The following STPG2 variants were observed in gnomAD, a reference collection of about 807,000 sequenced individuals.
STPG2 encodes sperm tail PG-rich repeat containing 2.
A neutral mutation model predicts 54.2 loss-of-function variants in STPG2; 56 were observed. The observed-to-expected ratio is 1.03, with a 90% CI of 0.83 to 1.29. The LOEUF (loss-of-function observed/expected upper bound fraction) is 1.29. STPG2 is among the 50% of genes most tolerant of loss of function. STPG2 has a pLI of 0.00. For missense variants in STPG2, 596 were observed against 544.9 expected (o/e 1.09, Z -0.93); for synonymous variants, 200 against 181.8 (o/e 1.10, Z -0.81).
At chr4:98,088,201 AAAG>A (rs1432241028) in intron 5 of STPG2, among the ~76,000 whole-genome samples, 4 of 152,230 alleles carry the variant, frequency 2.6e-5, no homozygotes, top group African/African-American at 9.6e-5. Flanking sequence ...AAAAACTGTG[AAAG>A]AAGAAGTTGG....
chr4:97,580,650 C>T (rs1018542301), intron 10 of STPG2, among the ~76,000 whole-genome samples: 8 of 151,980 alleles, frequency 5.3e-5, no homozygotes, highest in African/African-American at 1.9e-4. Flanking sequence ...CTTCCAGCCT[C>T]CAAATAACGA....
chr4:97,914,061 C>T (rs1022702960), intron 8 of STPG2, among the ~76,000 whole-genome samples: 3 of 152,128 alleles, frequency 2.0e-5, no homozygotes, highest in Middle Eastern at 3.4e-3. Context: ...AAACATAGAC[C>T]TACACATGCA....
intron 10 of STPG2, among the ~76,000 whole-genome samples, chr4:97,701,417 A>C (rs548009087): frequency 5.3e-5 from 8 of 152,208 alleles, no homozygotes; most frequent in Admixed American, 1.3e-4. Context: ...GCTCAGAGCC[A>C]GTGTTCAGTA....
At chr4:98,038,998 T>C (rs1018572352) in intron 5 of STPG2, among the ~76,000 whole-genome samples, 11 of 152,012 alleles carry the variant, frequency 7.2e-5, no homozygotes, top group African/African-American at 2.7e-4. Context: ...TTGATGAGGA[T>C]TGCTGAGACA....
In STPG2 at chr4:97,886,765, A is replaced by G. The variant is rs371824811; in HGVS notation, c.1045-45833T>C. On this transcript the variant is annotated intron_variant, in intron 8 of 10. Transcript: ENST00000295268. ...GGATCTGTGTCACTGCCCAAATGTC[A>G]TGTCAAATTATAGTCCCCAGTATTG... 1.7e-4 allele frequency among the ~76,000 whole-genome samples: 26 copies of G among 152,270 alleles called. No homozygotes were observed. The South Asian group carries it at 5.0e-3, about 29-fold the overall frequency.
intron 9 of STPG2, among the ~76,000 whole-genome samples, chr4:97,834,046 G>C (rs1199926387): frequency 1.3e-5 from 2 of 152,078 alleles, no homozygotes; most frequent in Non-Finnish European, 2.9e-5. Context: ...CTACTATAAA[G>C]ACACATGCAC....
intron 2 of STPG2, among the ~76,000 whole-genome samples, chr4:98,133,922 A>G (rs993055446): frequency 6.6e-6 from 1 of 152,018 alleles, no homozygotes; most frequent in African/African-American, 2.4e-5. Flanking sequence ...ATCTGGTCAC[A>G]GATTCTTGAG....
intron 10 of STPG2, among the ~76,000 whole-genome samples, chr4:97,687,180 G>C (rs977212884): frequency 1.1e-4 from 16 of 151,712 alleles, no homozygotes; most frequent in Non-Finnish European, 1.8e-4. Context: ...TCGATCTCCC[G>C]ACCTCGTGAT....
At chr4:97,686,810 T>G (rs1723203369) in intron 10 of STPG2, among the ~76,000 whole-genome samples, 1 of 152,128 alleles carries the variant, frequency 6.6e-6, no homozygotes, top group South Asian at 2.1e-4. Flanking sequence ...CTTAGTGTTA[T>G]GGACTAATAT....
chr4:97,858,456 C>T (rs1729400837), intron 8 of STPG2, among the ~76,000 whole-genome samples: 1 of 152,036 alleles, frequency 6.6e-6, no homozygotes, highest in Non-Finnish European at 1.5e-5. Context: ...TTTTCAGTTG[C>T]ACAAAGAAGT....
In STPG2 at chr4:97,855,499, G is replaced by A. The variant is rs778902792; in HGVS notation, c.1045-14567C>T. 6.6e-5 allele frequency among the ~76,000 whole-genome samples: 10 copies of A among 151,914 alleles called. No homozygotes were observed. In the South Asian group the frequency reaches 1.5e-3, roughly 22 times the overall value. ...TGAGAAGTGTCTGTTCATGTCCTTC[G>A]CCTACTTTTTAATAAGGTTGTTTTT... On this transcript the variant is annotated intron_variant, in intron 8 of 10. Transcript: ENST00000295268.
intron 9 of STPG2, among the ~76,000 whole-genome samples, chr4:97,762,926 G>A (rs1157064819): frequency 2.0e-5 from 3 of 152,084 alleles, no homozygotes; most frequent in South Asian, 2.1e-4. Context: ...CTTCCCTAAC[G>A]TTCTTTCAAT....
intron 10 of STPG2, among the ~76,000 whole-genome samples, chr4:97,683,394 C>T (rs144075969): frequency 6.0e-4 from 91 of 151,898 alleles, no homozygotes; most frequent in Middle Eastern, 3.4e-3. Context: ...TGACAAACAG[C>T]TACAGTACAT....
chr4:97,908,204 G>T (rs1490326250), intron 8 of STPG2, among the ~76,000 whole-genome samples: 1 of 152,128 alleles, frequency 6.6e-6, no homozygotes. Context: ...AGTGGGCAAA[G>T]GACATGAACA....
In STPG2 at chr4:97,994,219, T is replaced by C. The variant is rs1186048479; in HGVS notation, c.613-12901A>G. On this transcript the variant is annotated intron_variant, in intron 5 of 10. Transcript: ENST00000295268. ...TTTAATTTCCAACTTTATTTCATTG[T>C]TAACCCAACGTTCATTCAGGAGCAG... is the stretch of plus-strand genomic sequence containing the variant. Among the ~76,000 whole-genome samples, 6 of 152,330 alleles carry C rather than the reference T, an allele frequency of 3.9e-5. No homozygotes were observed. The South Asian group carries it at 6.2e-4, about 16-fold the overall frequency.
intron 9 of STPG2, among the ~76,000 whole-genome samples, chr4:97,725,391 C>A: frequency 2.0e-5 from 3 of 149,136 alleles, no homozygotes; most frequent in Admixed American, 6.7e-5. Flanking sequence ...AAGACAAAGA[C>A]CAAAATAAAT....
rs143847426 is a variant in STPG2, at chr4:97,655,581, G to C, written c.1320+57118C>G. 4.1e-3 allele frequency among the ~76,000 whole-genome samples: 627 copies of C among 152,056 alleles called. 3 individuals are homozygous for C. The highest frequency in any genetic ancestry group is 0.02 in the South Asian group (98 of 4,818). ...AAAAGCCCAAGAAAACATTTCCACT[G>C]TTTATCGAGATCAAAAATGTATAAA... On this transcript the variant is annotated intron_variant, in intron 10 of 10. Coordinates refer to ENST00000295268, the MANE Select transcript of STPG2 (RefSeq NM_174952.3).
At chr4:97,713,629 G>A (rs1295929642) in intron 9 of STPG2, among the ~76,000 whole-genome samples, 1 of 152,182 alleles carries the variant, frequency 6.6e-6, no homozygotes, top group Non-Finnish European at 1.5e-5. Context: ...TAGCGTTCGA[G>A]CTCCTATGAG....
chr4:97,739,050 T>G (rs1308920144), intron 9 of STPG2, among the ~76,000 whole-genome samples: 5 of 151,780 alleles, frequency 3.3e-5, no homozygotes, highest in Non-Finnish European at 2.9e-5. Flanking sequence ...GAACTCAGGA[T>G]TAAGAAACTC....
Sources: gnomAD v4.1 joint callset for allele counts (sites outside exome capture counted in the v4.1 genomes callset) on GRCh38, gnomAD v4.1.1 for gene constraint, MANE v1.5 for transcripts, NCBI Gene and HGNC (gene_info 2026-07-23, HGNC 2026-07-21) for gene names.